Variants in PDE5A observed in about 807,000 individuals in gnomAD.
The protein encoded by PDE5A is cGMP-specific 3',5'-cyclic phosphodiesterase.
In PDE5A, 67 loss-of-function variants were observed where a neutral mutation model predicts 110.2. That is an observed-to-expected ratio of 0.61 (90% CI 0.50 to 0.75). PDE5A has a LOEUF of 0.75. PDE5A is among the 30% of genes least tolerant of loss of function. The pLI is 0.00. For synonymous variants in PDE5A, 328 were observed against 351.2 expected (o/e 0.93, Z 0.74); for missense variants, 862 against 1,045.1 (o/e 0.82, Z 2.42).
chr4:119,625,524 C>T (rs1454549702), intron 1 of PDE5A, among the ~76,000 whole-genome samples: 1 of 152,086 alleles, frequency 6.6e-6, no homozygotes, highest in Admixed American at 6.5e-5. Context: ...AACAATAATG[C>T]AGAAATTGTT....
chr4:119,591,623 A>G (rs1728968387), intron 3 of PDE5A, among the ~76,000 whole-genome samples: 1 of 152,236 alleles, frequency 6.6e-6, no homozygotes, highest in Non-Finnish European at 1.5e-5. Context: ...ATAATTCTGG[A>G]AGTCAAATAT....
In PDE5A at chr4:119,501,307, AG is replaced by A; in HGVS notation, c.2407-55del. On this transcript the variant is annotated intron_variant, in intron 19 of 20. Transcript: ENST00000354960. ...CAGATGTGCATTTATTTATTTAGTT[AG>A]TTATTACTTTATTATTTTTTGAGAT... 2.8e-6 allele frequency: 3 copies of A among 1,074,364 alleles called. No homozygotes were observed. The African/African-American group carries it at 4.7e-5, about 17-fold the overall frequency. The allele number at this position is 1,074,364 out of a possible 1,614,324, so 66.6% of individuals were successfully genotyped here. A position where few individuals can be genotyped will look rare whatever the true frequency, so the allele number is the denominator to read the frequency against.
In PDE5A at chr4:119,567,163, A is replaced by G. The variant is rs1410032931; in HGVS notation, c.832-19T>C. The G allele has an allele frequency of 6.3e-7, 1 of 1,588,732 alleles. No individual in the cohort carries two copies. Among genetic ancestry groups the G allele is most frequent in the East Asian group, 2.2e-5 (1 of 44,746 alleles). The stretch of plus-strand genomic sequence containing the variant: ...CAACAACCTGGTATAAGGAGAGAAA[A>G]GCGACAATTTTTTTATTGACTGAAA... On this transcript the variant is annotated intron_variant, in intron 3 of 20. Transcript: ENST00000354960.
chr4:119,538,933 A>G, intron 11 of PDE5A, 27 bp downstream of exon 11: 7 of 1,576,926 alleles, frequency 4.4e-6, no homozygotes, highest in Non-Finnish European at 6.1e-6. Flanking sequence ...GTAATTAGTA[A>G]TTTTTAAAAA....
chr4:119,577,386 AAG>A (rs1486340844), intron 3 of PDE5A, among the ~76,000 whole-genome samples: 4 of 152,318 alleles, frequency 2.6e-5, no homozygotes, highest in Middle Eastern at 3.4e-3. Flanking sequence ...ACCACAAAAA[AAG>A]AGAATTTTAC....
intron 12 of PDE5A, among the ~76,000 whole-genome samples, chr4:119,521,583 G>A (rs1166523791): frequency 6.6e-6 from 1 of 151,870 alleles, no homozygotes; most frequent in East Asian, 1.9e-4. Context: ...AAGGTATATA[G>A]CACATGTCCG....
At chr4:119,553,122 A>G (rs1727416785) in intron 8 of PDE5A, among the ~76,000 whole-genome samples, 1 of 152,058 alleles carries the variant, frequency 6.6e-6, no homozygotes, top group Non-Finnish European at 1.5e-5. Context: ...TAACAAAATC[A>G]AGGCAGCTGC....
At chr4:119,506,038 A>AT (rs1446176030) in intron 16 of PDE5A, 106 bp from the exon 17 acceptor site, 34 of 531,836 alleles carry the variant, frequency 6.4e-5, no homozygotes, top group Non-Finnish European at 7.2e-5. Flanking sequence ...AAAACCTCTG[A>AT]TTTTTTTTCC....
chr4:119,570,536 C>T (rs1370695972), intron 3 of PDE5A, among the ~76,000 whole-genome samples: 4 of 152,132 alleles, frequency 2.6e-5, no homozygotes, highest in Non-Finnish European at 4.4e-5. Context: ...CTCACAGGGT[C>T]GAGTGTTCTT....
intron 15 of PDE5A, among the ~76,000 whole-genome samples, chr4:119,510,099 A>G (rs981912119): frequency 5.9e-5 from 9 of 152,184 alleles, no homozygotes; most frequent in African/African-American, 2.2e-4. Context: ...GAATGGGAGA[A>G]GCCTACCAGT....
intron 6 of PDE5A, 32 bp from the exon 7 acceptor site, chr4:119,560,395 G>A (rs372873236): frequency 6.9e-7 from 1 of 1,450,048 alleles, no homozygotes; most frequent in Non-Finnish European, 9.5e-7. Flanking sequence ...TGAGAAATAA[G>A]TTTGACAAGG....
At chr4:119,616,434 CAGA>C (rs1319923051) in intron 1 of PDE5A, among the ~76,000 whole-genome samples, 6 of 152,124 alleles carry the variant, frequency 3.9e-5, no homozygotes, top group African/African-American at 1.4e-4. Context: ...TGAATCAAAT[CAGA>C]AGTTTATTAT....
At chr4:119,567,022 A>T (rs771105534) in intron 4 of PDE5A, 51 bp downstream of exon 4, 1 of 1,284,780 alleles carries the variant, frequency 7.8e-7, no homozygotes, top group East Asian at 2.3e-5. Flanking sequence ...ATATACTATA[A>T]AGAGAAAGCA....
In PDE5A at chr4:119,622,445, AG is replaced by A. The variant is rs1277004135; in HGVS notation, c.152+6074del. Among the ~76,000 whole-genome samples, 3 of 152,226 alleles carry A rather than the reference AG, an allele frequency of 2.0e-5. No individual in the cohort carries two copies. The East Asian group carries it at 5.8e-4, about 29-fold the overall frequency. On this transcript the variant is annotated intron_variant, in intron 1 of 20. Transcript: ENST00000354960. ...TATTCAGAGAAGAAAATTTGCAAAA[AG>A]TTAATCTTACTTTATAATTCAGAAT... is the stretch of plus-strand genomic sequence containing the variant.
At chr4:119,605,379 G>A (rs1432705848) in intron 2 of PDE5A, among the ~76,000 whole-genome samples, 7 of 152,092 alleles carry the variant, frequency 4.6e-5, no homozygotes, top group Non-Finnish European at 5.9e-5. Flanking sequence ...AGGCATGGTG[G>A]CTCATGCCTG....
intron 1 of PDE5A, among the ~76,000 whole-genome samples, chr4:119,623,325 C>A (rs926504528): frequency 1.3e-5 from 2 of 152,226 alleles, no homozygotes; most frequent in African/African-American, 4.8e-5. Flanking sequence ...ACAAATTAGT[C>A]ATTTTTCAAC....
At chr4:119,518,579 A>G (rs1251986463) in intron 14 of PDE5A, among the ~76,000 whole-genome samples, 1 of 152,210 alleles carries the variant, frequency 6.6e-6, no homozygotes, top group African/African-American at 2.4e-5. Flanking sequence ...ATCAGGACAT[A>G]ACGGTATAGA....
rs1217188838 is a variant in PDE5A, at chr4:119,595,911, G to A, written c.831+612C>T. 2.6e-5 allele frequency among the ~76,000 whole-genome samples: 4 copies of A among 152,236 alleles called. No homozygotes were observed. The East Asian group carries it at 7.7e-4, about 29-fold the overall frequency. ...TCCAGTTGGTTGTAATACACAGTCAGGATTGAGAATGCTCAATTGAAATAT... is the reference window on the plus strand; with the variant it reads ...TCCAGTTGGTTGTAATACACAGTCAAGATTGAGAATGCTCAATTGAAATAT... On this transcript the variant is annotated intron_variant, in intron 3 of 20. Coordinates refer to ENST00000354960, the MANE Select transcript of PDE5A (RefSeq NM_001083.4).
intron 2 of PDE5A, among the ~76,000 whole-genome samples, chr4:119,605,025 C>T (rs1578819450): frequency 6.6e-6 from 1 of 152,060 alleles, no homozygotes; most frequent in Admixed American, 6.6e-5. Context: ...AGCATTTTCC[C>T]CTCTAATTCA....
Sources: gnomAD v4.1 joint callset for allele counts (sites outside exome capture counted in the v4.1 genomes callset) on GRCh38, gnomAD v4.1.1 for gene constraint, MANE v1.5 for transcripts, NCBI Gene and HGNC (gene_info 2026-07-23, HGNC 2026-07-21) for gene names.